The following DTWD2 variants were observed in gnomAD, a reference collection of about 807,000 sequenced individuals.
DTWD2 encodes the protein DTW motif tRNA-uridine aminocarboxypropyltransferase 2, also known as tRNA-uridine aminocarboxypropyltransferase 2.
A neutral mutation model predicts 31.8 loss-of-function variants in DTWD2; 39 were observed. That is an observed-to-expected ratio of 1.22 (90% CI 0.95 to 1.60). The LOEUF (loss-of-function observed/expected upper bound fraction) is 1.60. DTWD2 is among the 40% of genes most tolerant of loss of function. DTWD2 has a pLI of 0.00. For missense variants in DTWD2, 515 were observed against 381.5 expected (o/e 1.35, Z -2.92); for synonymous variants, 180 against 142.8 (o/e 1.26, Z -1.86).
chr5:118,920,878 C>T (rs1753688410), intron 4 of DTWD2, among the ~76,000 whole-genome samples: 1 of 152,124 alleles, frequency 6.6e-6, no homozygotes, highest in Non-Finnish European at 1.5e-5. Flanking sequence ...ATTCAAGTTT[C>T]ATATCTGCCA....
At chr5:118,946,195 A>G (rs1417752983) in intron 1 of DTWD2, among the ~76,000 whole-genome samples, 2 of 152,226 alleles carry the variant, frequency 1.3e-5, no homozygotes, top group Non-Finnish European at 2.9e-5. Flanking sequence ...CTGAACCTGG[A>G]ATGTAAGTTT....
chr5:118,881,998 T>C (rs1752752212), intron 4 of DTWD2, among the ~76,000 whole-genome samples: 1 of 152,190 alleles, frequency 6.6e-6, no homozygotes, highest in East Asian at 1.9e-4. Flanking sequence ...CTTAACTCAT[T>C]TCCACATTAA....
At chr5:118,930,386 T>C (rs762025312) in intron 3 of DTWD2, among the ~76,000 whole-genome samples, 60 of 152,320 alleles carry the variant, frequency 3.9e-4, no homozygotes, top group Non-Finnish European at 7.9e-4. Context: ...CTTTGAAATA[T>C]AATTTGGACT....
At chr5:118,943,479 AG>A (rs1296786195) in intron 2 of DTWD2, among the ~76,000 whole-genome samples, 1 of 150,596 alleles carries the variant, frequency 6.6e-6, no homozygotes, top group African/African-American at 2.5e-5. Context: ...TGAACCTGGA[AG>A]GTGGAGCTTG....
chr5:118,882,462 G>A (rs1752762274), intron 4 of DTWD2, among the ~76,000 whole-genome samples: 2 of 152,240 alleles, frequency 1.3e-5, no homozygotes, highest in African/African-American at 2.4e-5. Context: ...CCACTAGGCA[G>A]TGCTCCACTG....
intron 4 of DTWD2, among the ~76,000 whole-genome samples, chr5:118,897,792 AATGTACT>A (rs1464313938): frequency 2.0e-5 from 3 of 152,238 alleles, no homozygotes; most frequent in African/African-American, 7.2e-5. Flanking sequence ...GTGTAAAACA[AATGTACT>A]ATGTAATATT....
At chr5:118,843,054 T>C (rs1369213090) in intron 5 of DTWD2, among the ~76,000 whole-genome samples, 1 of 150,646 alleles carries the variant, frequency 6.6e-6, no homozygotes, top group Non-Finnish European at 1.5e-5. Flanking sequence ...CCTCCTGGGT[T>C]CAAGTGATTC....
intron 3 of DTWD2, 42 bp from the exon 4 acceptor site, chr5:118,928,771 G>T: frequency 7.0e-7 from 1 of 1,424,862 alleles, no homozygotes; most frequent in Non-Finnish European, 9.3e-7. Flanking sequence ...TAGCTTGTGA[G>T]GAAAAAAGGT....
intron 4 of DTWD2, among the ~76,000 whole-genome samples, chr5:118,881,623 A>G (rs562221310): frequency 1.1e-4 from 17 of 151,828 alleles, no homozygotes; most frequent in African/African-American, 3.9e-4. Flanking sequence ...TAATTGACTC[A>G]GAGTTCCACA....
At chr5:118,853,224 A>G (rs1307681746) in intron 4 of DTWD2, among the ~76,000 whole-genome samples, 1 of 152,198 alleles carries the variant, frequency 6.6e-6, no homozygotes, top group African/African-American at 2.4e-5. Flanking sequence ...ACAAGTTGAA[A>G]TTGTTTTTTT....
At chr5:118,985,517 T>TATATATATATATATATATATATATAC (rs1554072595) in intron 1 of DTWD2, among the ~76,000 whole-genome samples, 21 of 107,702 alleles carry the variant, frequency 1.9e-4, no homozygotes, top group Non-Finnish European at 2.4e-4. Flanking sequence ...TATATATATA[T>TATATATATATATATATATATATATAC]ACACACACAT....
intron 1 of DTWD2, among the ~76,000 whole-genome samples, chr5:118,972,034 C>T (rs538126672): frequency 1.1e-3 from 168 of 152,152 alleles, no homozygotes; most frequent in African/African-American, 3.5e-3. Flanking sequence ...GATCTCAAAT[C>T]AACAACCGAA....
rs560667895 is a variant in DTWD2, at chr5:118,894,001, C to G, written c.597+34536G>C. On this transcript the variant is annotated intron_variant, in intron 4 of 5. Coordinates refer to ENST00000510708, the MANE Select transcript of DTWD2 (RefSeq NM_173666.4). ...GGCAGAATAATAAATTTGTGCTGCA[C>G]CAGGCACCCAGCCTGGGTGACAGAG... Among the ~76,000 whole-genome samples, 3 of 151,354 alleles carry G rather than the reference C, an allele frequency of 2.0e-5. No individual in the cohort carries two copies. The East Asian group carries it at 5.8e-4, about 29-fold the overall frequency.
intron 3 of DTWD2, among the ~76,000 whole-genome samples, chr5:118,934,784 T>A (rs73239073): frequency 2.6e-5 from 4 of 152,128 alleles, no homozygotes; most frequent in Admixed American, 2.6e-4. Context: ...CAACAGAGAT[T>A]GTTAGATTAA....
At chr5:118,897,302 G>A (rs960581350) in intron 4 of DTWD2, among the ~76,000 whole-genome samples, 13 of 152,186 alleles carry the variant, frequency 8.5e-5, no homozygotes, top group Non-Finnish European at 1.3e-4. Flanking sequence ...ATTGTAACAT[G>A]TGTGAAGTGT....
intron 4 of DTWD2, among the ~76,000 whole-genome samples, chr5:118,890,562 CTTTTTTTTT>C (rs973397760): frequency 4.2e-5 from 3 of 71,260 alleles, no homozygotes; most frequent in Admixed American, 1.9e-4. Context: ...TTAGGTTTTC[CTTTTTTTTT>C]TTTTTTTTTT....
chr5:118,970,137 A>C (rs1754951519), intron 1 of DTWD2, among the ~76,000 whole-genome samples: 1 of 152,236 alleles, frequency 6.6e-6, no homozygotes, highest in Admixed American at 6.5e-5. Context: ...ATAGAGAAAA[A>C]AGAATGAGAC....
At chr5:118,945,362 T>C (rs1754307804) in intron 1 of DTWD2, among the ~76,000 whole-genome samples, 1 of 152,220 alleles carries the variant, frequency 6.6e-6, no homozygotes, top group Non-Finnish European at 1.5e-5. Flanking sequence ...AGTATTCTCT[T>C]CCTTTAGGGG....
chr5:118,978,493 T>C (rs1022705310), intron 1 of DTWD2, among the ~76,000 whole-genome samples: 1 of 152,162 alleles, frequency 6.6e-6, no homozygotes, highest in Non-Finnish European at 1.5e-5. Flanking sequence ...AAAGGTCTAA[T>C]ATCCAGAGTC....
Sources: gnomAD v4.1 joint callset for allele counts (sites outside exome capture counted in the v4.1 genomes callset) on GRCh38, gnomAD v4.1.1 for gene constraint, MANE v1.5 for transcripts, NCBI Gene and HGNC (gene_info 2026-07-23, HGNC 2026-07-21) for gene names.